COG6: variants seen among roughly 807,000 people sequenced by gnomAD.
COG6 encodes the protein conserved oligomeric Golgi complex subunit 6.
COG6 carries 74 observed loss-of-function variants against 88.8 expected under a neutral mutation model. The ratio of observed to expected loss-of-function variants is 0.83; its 90% CI spans 0.69 to 1.01. The LOEUF (loss-of-function observed/expected upper bound fraction) is 1.01. COG6 is among the 50% of genes least tolerant of loss of function. COG6 has a pLI of 0.00. For missense variants in COG6, 800 were observed against 797.9 expected (o/e 1.00, Z -0.03); for synonymous variants, 286 against 278.7 (o/e 1.03, Z -0.26).
chr13:39,660,201 T>C (rs1276262348), intron 2 of COG6, among the ~76,000 whole-genome samples: 1 of 152,154 alleles, frequency 6.6e-6, no homozygotes, highest in Non-Finnish European at 1.5e-5. Flanking sequence ...AAAATTACAT[T>C]AGAGATGGAC....
chr13:39,712,211 C>T lies in COG6; in HGVS notation c.1285-7025C>T, dbSNP rs558463988. Among the ~76,000 whole-genome samples, 5 of 152,240 alleles carry T rather than the reference C, an allele frequency of 3.3e-5. No homozygotes were observed. In the East Asian group the frequency reaches 9.7e-4, roughly 29 times the overall value. ...ACATATTATTGGGGCTTAATAAAATCTTAATTCTTTTTTTTGGAAACATCT... is the reference window on the plus strand; with the variant it reads ...ACATATTATTGGGGCTTAATAAAATTTTAATTCTTTTTTTTGGAAACATCT... On this transcript the variant is annotated intron_variant, in intron 13 of 18. Transcript: ENST00000455146.
In COG6 at chr13:39,785,342, G is replaced by C. The variant is rs575449322; in HGVS notation, c.1827-2993G>C. The stretch of plus-strand genomic sequence containing the variant: ...AAGGGGTTGGATTTCTTGTTATCTG[G>C]CCATGTGAGAAATTAAGTATTTTAC... On this transcript the variant is annotated intron_variant, in intron 18 of 18. Transcript: ENST00000416691. 1.6e-4 allele frequency: 25 copies of C among 152,282 alleles called. No individual in the cohort carries two copies. The South Asian group carries it at 5.0e-3, about 30-fold the overall frequency. 9.4% of individuals were successfully genotyped at this position (152,282 alleles called of 1,614,324 possible).
chr13:39,703,795 A>G (rs1016860612), intron 13 of COG6, among the ~76,000 whole-genome samples: 3 of 152,058 alleles, frequency 2.0e-5, no homozygotes, highest in Non-Finnish European at 2.9e-5. Context: ...GTTGTTGCCC[A>G]GGATCGTAGC....
chr13:39,760,636 G>A (rs1370555312), intron 18 of COG6, among the ~76,000 whole-genome samples: 1 of 152,022 alleles, frequency 6.6e-6, no homozygotes, highest in Non-Finnish European at 1.5e-5. Flanking sequence ...ACCAAAAAAT[G>A]TGCAAACACA....
intron 18 of COG6, among the ~76,000 whole-genome samples, chr13:39,744,750 A>G (rs964459316): frequency 8.5e-5 from 13 of 152,192 alleles, no homozygotes; most frequent in Non-Finnish European, 1.5e-4. Flanking sequence ...AAAAAAAACT[A>G]CTTTAAAGTT....
At chr13:39,731,896 A>G (rs1879473694) in intron 18 of COG6, among the ~76,000 whole-genome samples, 1 of 152,210 alleles carries the variant, frequency 6.6e-6, no homozygotes, top group Admixed American at 6.5e-5. Flanking sequence ...TAGAGACCTC[A>G]GAAAGTCCAA....
At chr13:39,692,805 G>A (rs754752252) in intron 11 of COG6, among the ~76,000 whole-genome samples, 13 of 151,904 alleles carry the variant, frequency 8.6e-5, no homozygotes, top group African/African-American at 3.1e-4. Context: ...GCTGCTTCTC[G>A]TAATGCAGTT....
chr13:39,699,808 T>C (rs1303168836), intron 13 of COG6, among the ~76,000 whole-genome samples, 190 bp downstream of exon 13: 3 of 151,828 alleles, frequency 2.0e-5, no homozygotes, highest in Non-Finnish European at 4.4e-5. Context: ...CCTGAAACAG[T>C]ATAACATTGA....
intron 18 of COG6, among the ~76,000 whole-genome samples, chr13:39,778,910 A>G (rs920132194): frequency 2.6e-5 from 4 of 152,354 alleles, no homozygotes; most frequent in African/African-American, 9.6e-5. Context: ...TGAGAATGCC[A>G]GGTAGAAGGA....
intron 18 of COG6, among the ~76,000 whole-genome samples, chr13:39,729,544 T>G (rs908009466): frequency 6.6e-6 from 1 of 152,230 alleles, no homozygotes; most frequent in Non-Finnish European, 1.5e-5. Flanking sequence ...AGTAAGATCC[T>G]ATAAATTCAT....
intron 7 of COG6, among the ~76,000 whole-genome samples, chr13:39,680,809 T>G (rs1876266493): frequency 6.6e-6 from 1 of 152,198 alleles, no homozygotes; most frequent in African/African-American, 2.4e-5. Flanking sequence ...TGCCTCATCT[T>G]CTATCTCATA....
chr13:39,699,859 C>T (rs1002213656), intron 13 of COG6, among the ~76,000 whole-genome samples: 5 of 151,732 alleles, frequency 3.3e-5, no homozygotes, highest in African/African-American at 7.3e-5. Context: ...AATTTTACTA[C>T]CATTTTTTTC....
chr13:39,721,888 A>G (rs1280402804), intron 15 of COG6, among the ~76,000 whole-genome samples: 3 of 151,994 alleles, frequency 2.0e-5, no homozygotes, highest in Non-Finnish European at 4.4e-5. Context: ...CATTGAGTTT[A>G]TATGTTTTCC....
chr13:39,700,731 C>CG lies in COG6; in HGVS notation c.1284+1113_1284+1114insG, dbSNP rs570780455. ...TTTAGTGGAAAATGACCAAATAAGT[C>CG]TGGTTATTATAGAATTCTATGATTT... On this transcript the variant is annotated intron_variant, in intron 13 of 18. Transcript: ENST00000455146. 5.3e-4 allele frequency among the ~76,000 whole-genome samples: 81 copies of CG among 151,928 alleles called. No homozygotes were observed. In the East Asian group the frequency reaches 0.013, roughly 24 times the overall value.
At chr13:39,738,543 T>C (rs985475151) in intron 18 of COG6, among the ~76,000 whole-genome samples, 1 of 152,156 alleles carries the variant, frequency 6.6e-6, no homozygotes, top group African/African-American at 2.4e-5. Context: ...ATAGACTTAA[T>C]TGCAGCCTAA....
intron 13 of COG6, among the ~76,000 whole-genome samples, chr13:39,718,104 G>T (rs995754461): frequency 6.6e-6 from 1 of 152,128 alleles, no homozygotes; most frequent in East Asian, 1.9e-4. Flanking sequence ...GGACTTCAGA[G>T]AATGTTTCTG....
At chr13:39,785,380 C>T (rs1037117141) in intron 18 of COG6, 3 of 152,204 alleles carry the variant, frequency 2.0e-5, no homozygotes, top group Non-Finnish European at 4.4e-5. Context: ...TGGGTCTTCA[C>T]TGGTAAATAC....
intron 3 of COG6, 90 bp downstream of exon 3, chr13:39,660,971 A>G (rs1242410624): frequency 2.4e-5 from 19 of 788,356 alleles, no homozygotes. Context: ...CTAATCCATA[A>G]TGCCCTGTAG....
In COG6 at chr13:39,724,496, T is replaced by TTTTTTTTTTG; in HGVS notation, c.1693-7_1693-6insTTTTGTTTTT. 1 of 1,542,284 alleles carries TTTTTTTTTTG rather than the reference T, an allele frequency of 6.5e-7. No individual in the cohort carries two copies. Among genetic ancestry groups the TTTTTTTTTTG allele is most frequent in the Non-Finnish European group, 8.8e-7 (1 of 1,138,106 alleles). On this transcript the variant is annotated splice_polypyrimidine_tract_variant and intron_variant, in intron 16 of 18. Transcript: ENST00000455146. ...ATCTTGGATCTGCTTTTTTTTTTTTTTTTTTAAATAGGGCTCTTTAGCTAA... is the reference window on the plus strand; with the variant it reads ...ATCTTGGATCTGCTTTTTTTTTTTTTTTTTTTTTTGTTTTTAAATAGGGCTCTTTAGCTAA...
Sources: allele counts gnomAD v4.1 joint callset (sites outside exome capture counted in the v4.1 genomes callset), GRCh38; gene constraint gnomAD v4.1.1; transcripts MANE v1.5; gene names NCBI Gene and HGNC (gene_info 2026-07-23, HGNC 2026-07-21).